AUTS2: variants seen among roughly 807,000 people sequenced by gnomAD.
AUTS2 encodes the protein activator of transcription and developmental regulator AUTS2.
Under a neutral mutation model 112.4 loss-of-function variants are expected in AUTS2, and 17 were observed. The observed-to-expected ratio is 0.15, with a 90% CI of 0.10 to 0.23. The LOEUF is 0.23. Ranked by LOEUF, AUTS2 falls within the 10% of genes least tolerant of loss-of-function variation. The pLI is 1.00. For synonymous variants in AUTS2, 751 were observed against 702.7 expected, an observed-to-expected ratio of 1.07 and a Z score of -1.09; for missense variants, 1,510 against 1,701.6, an observed-to-expected ratio of 0.89 and a Z score of 1.98.
intron 5 of AUTS2, among the ~76,000 whole-genome samples, chr7:70,697,073 T>C (rs1170959725): frequency 1.3e-5 from 2 of 152,336 alleles, no homozygotes; most frequent in East Asian, 3.9e-4. Flanking sequence ...CATCATGCAA[T>C]TTTTGGCTTT....
chr7:70,152,306 A>G (rs745547587), intron 4 of AUTS2, among the ~76,000 whole-genome samples: 3 of 152,192 alleles, frequency 2.0e-5, no homozygotes, highest in Non-Finnish European at 4.4e-5. Context: ...AGAAACATAA[A>G]GAAAATTACA....
In AUTS2 at chr7:70,470,793, T is replaced by A. The variant is rs187020885; in HGVS notation, c.690+35012T>A. 3.5e-3 allele frequency among the ~76,000 whole-genome samples: 539 copies of A among 152,222 alleles called. 2 individuals carry two copies. The highest frequency in any genetic ancestry group is 3.7e-3 in the Non-Finnish European group (250 of 68,010). On this transcript the variant is annotated intron_variant, in intron 5 of 18. Transcript: ENST00000342771. ...GGAGCAGCAGCATCTGAACTGGTTC[T>A]CCCCTTGCTCCCCTTTCTTTTGCCC...
intron 2 of AUTS2, among the ~76,000 whole-genome samples, chr7:70,112,907 A>G (rs961568714): frequency 2.0e-5 from 3 of 152,006 alleles, no homozygotes; most frequent in African/African-American, 2.4e-5. Flanking sequence ...CTTTCTTGCC[A>G]CTTTTCTTAT....
intron 4 of AUTS2, among the ~76,000 whole-genome samples, chr7:70,266,027 T>C (rs1219594111): frequency 6.6e-6 from 1 of 152,216 alleles, no homozygotes; most frequent in East Asian, 1.9e-4. Flanking sequence ...TGAGGCAACC[T>C]GGACATTCTA....
At chr7:70,257,969 T>G (rs1443626844) in intron 4 of AUTS2, among the ~76,000 whole-genome samples, 1 of 152,228 alleles carries the variant, frequency 6.6e-6, no homozygotes, top group African/African-American at 2.4e-5. Context: ...GACATGAGCA[T>G]GGACAATGTG....
At chr7:69,894,775 T>C (rs1445315242) in intron 1 of AUTS2, among the ~76,000 whole-genome samples, 1 of 152,184 alleles carries the variant, frequency 6.6e-6, no homozygotes, top group Non-Finnish European at 1.5e-5. Context: ...AAATAATCCT[T>C]AGGCCTAAAT....
At chr7:70,096,530 T>C (rs1584715881) in intron 2 of AUTS2, among the ~76,000 whole-genome samples, 1 of 142,454 alleles carries the variant, frequency 7.0e-6, no homozygotes, top group Non-Finnish European at 1.5e-5. Flanking sequence ...ACCTGGGAAG[T>C]GGAGTTTGTG....
At chr7:70,681,084 A>G (rs1808180966) in intron 5 of AUTS2, among the ~76,000 whole-genome samples, 1 of 152,210 alleles carries the variant, frequency 6.6e-6, no homozygotes, top group African/African-American at 2.4e-5. Context: ...AGTTCTGAAG[A>G]TCCACACTCG....
intron 1 of AUTS2, among the ~76,000 whole-genome samples, chr7:69,648,790 A>T (rs570065748): frequency 6.6e-6 from 1 of 152,224 alleles, no homozygotes; most frequent in African/African-American, 2.4e-5. Flanking sequence ...TTCTTGTGGG[A>T]TTTTGTGAAG....
In AUTS2 at chr7:69,717,648, T is replaced by A. The variant is rs1215824465; in HGVS notation, c.309+117686T>A. Among the ~76,000 whole-genome samples, 7 of 152,296 alleles carry A rather than the reference T, an allele frequency of 4.6e-5. 1 individual carries two copies. The East Asian group carries it at 1.4e-3, about 29-fold the overall frequency. On this transcript the variant is annotated intron_variant, in intron 1 of 18. Transcript: ENST00000342771. ...GGGTTTCTATTGTTTGGGAAACTAT[T>A]CCTATAGAAATGACATTTGTGCTTT... is the stretch of plus-strand genomic sequence containing the variant.
intron 2 of AUTS2, among the ~76,000 whole-genome samples, chr7:70,005,194 C>G (rs1477361420): frequency 6.6e-6 from 1 of 151,994 alleles, no homozygotes; most frequent in Admixed American, 6.6e-5. Flanking sequence ...AGCTGCTGAA[C>G]CTGTGATATT....
rs766349738 is a variant in AUTS2, at chr7:70,766,220, TCAGCACCAGCAC to T, written c.1588_1599del (p.Gln530_His533del). 8.1e-6 allele frequency: 13 copies of T among 1,613,932 alleles called. No homozygotes were observed. Among genetic ancestry groups the T allele is most frequent in the African/African-American group, 2.7e-5 (2 of 74,872 alleles). On this transcript the variant is annotated inframe_deletion, in exon 9 of 19. Coordinates refer to ENST00000342771, the MANE Select transcript of AUTS2 (RefSeq NM_015570.4). This position sits in a 1 kb window ranked among gnomAD's most constrained non-coding sequence, Gnocchi z 4.8. ...CGCCCTACCTGCGGACCGAGTTCCA[TCAGCACCAGCAC>T]CAGCACCAGCACACCCACCAGCACA...
chr7:70,729,244 G>A (rs1787219949), intron 6 of AUTS2: 1 of 455,206 alleles, frequency 2.2e-6, no homozygotes, highest in South Asian at 1.6e-5. Context: ...GGCCAGTGCG[G>A]ACCCCAGTGC....
At chr7:70,225,359 G>C (rs1394565938) in intron 4 of AUTS2, among the ~76,000 whole-genome samples, 2 of 152,122 alleles carry the variant, frequency 1.3e-5, no homozygotes, top group African/African-American at 4.8e-5. Context: ...GAGCTATAAG[G>C]TTCCTGAAAA....
rs138805203 is a variant in AUTS2, at chr7:69,722,579, G to A, written c.309+122617G>A. ...TTGAACTCCTGGGCTCGAGTGATCC[G>A]CCTGCCTTGTCCCCGCAAAGTGCTG... On this transcript the variant is annotated intron_variant, in intron 1 of 18. Transcript: ENST00000342771. 5.0e-3 allele frequency among the ~76,000 whole-genome samples: 766 copies of A among 152,086 alleles called. 8 individuals are homozygous for A. Among genetic ancestry groups the A allele is most frequent in the African/African-American group, 0.018 (736 of 41,486 alleles).
chr7:70,241,065 G>A lies in AUTS2; in HGVS notation c.660+106494G>A, dbSNP rs77864066. On this transcript the variant is annotated intron_variant, in intron 4 of 18. Transcript: ENST00000342771. ...GTGTCTTATGAAGCTTGAGCAATTG[G>A]GAAGCCTTCCCAGTCAGCTTTTTGG... Among the ~76,000 whole-genome samples, 339 of 152,252 alleles carry A rather than the reference G, an allele frequency of 2.2e-3. 1 individual carries two copies. The highest frequency in any genetic ancestry group is 6.8e-3 in the Middle Eastern group (2 of 294).
intron 4 of AUTS2, among the ~76,000 whole-genome samples, chr7:70,372,753 A>AC (rs1000333300): frequency 3.9e-5 from 6 of 152,046 alleles, no homozygotes; most frequent in African/African-American, 1.4e-4. Flanking sequence ...GAGGAAAAAA[A>AC]AATCAACCCT....
At chr7:70,081,968 G>GCGCA (rs1803345232) in intron 2 of AUTS2, among the ~76,000 whole-genome samples, 1 of 149,816 alleles carries the variant, frequency 6.7e-6, no homozygotes, top group African/African-American at 2.5e-5. Context: ...GTGTGTGTGC[G>GCGCA]CGCGCCTGTG....
rs143535660 is a variant in AUTS2, at chr7:70,080,242, G to A, written c.523-37890G>A. Among the ~76,000 whole-genome samples, 219 of 152,322 alleles carry A rather than the reference G, an allele frequency of 1.4e-3. 1 individual carries two copies. In the East Asian group the frequency reaches 0.016, roughly 11 times the overall value. ...ATTTGCATCCATTACATTGTGGATA[G>A]CAAAACAATTAAGAGAATATCTTCT... On this transcript the variant is annotated intron_variant, in intron 2 of 18. Coordinates refer to ENST00000342771, the MANE Select transcript of AUTS2 (RefSeq NM_015570.4).
Sources: gnomAD v4.1 joint callset for allele counts (sites outside exome capture counted in the v4.1 genomes callset) on GRCh38, gnomAD v4.1.1 for gene constraint, Gnocchi (gnomAD v3.1) non-coding constraint, MANE v1.5 for transcripts, NCBI Gene and HGNC (gene_info 2026-07-23, HGNC 2026-07-21) for gene names.